Variants in DGKZ observed in about 807,000 individuals in gnomAD.
DGKZ encodes diacylglycerol kinase zeta, also known as DAG kinase zeta.
DGKZ carries 45 observed loss-of-function variants against 142.5 expected under a neutral mutation model. That is an observed-to-expected ratio of 0.32 (90% CI 0.25 to 0.40). The LOEUF is 0.40. Among genes scored for constraint, DGKZ ranks in the 10% least tolerant of loss-of-function variants. DGKZ has a pLI of 1.00. For missense variants in DGKZ, 755 were observed against 1,306.5 expected, an observed-to-expected ratio of 0.58 and a Z score of 6.51; for synonymous variants, 442 against 527.0, an observed-to-expected ratio of 0.84 and a Z score of 2.21.
intron 1 of DGKZ, chr11:46,365,912 G>C (rs1238357282): frequency 1.0e-6 from 1 of 985,308 alleles, no homozygotes; most frequent in Non-Finnish European, 1.2e-6. Context: ...GTAGATTCTG[G>C]TGCCTGGATG....
Position 46,378,443 on chromosome 11 carries a change from G to A in DGKZ, c.2375-14G>A, listed in dbSNP as rs1306246724. 1 of 1,590,806 alleles carries A rather than the reference G, an allele frequency of 6.3e-7. No homozygotes were observed. The highest frequency in any genetic ancestry group is 2.2e-5 in the East Asian group (1 of 44,550). On this transcript the variant is annotated splice_polypyrimidine_tract_variant and intron_variant, in intron 26 of 30. Coordinates refer to ENST00000527911, the Ensembl canonical transcript of DGKZ. ...GCCTCCGACTGCAGAGTAACAGGCAGGTATTCCGTGCAGGTGAAGAGCTGA... is the reference window on the plus strand; with the variant it reads ...GCCTCCGACTGCAGAGTAACAGGCAAGTATTCCGTGCAGGTGAAGAGCTGA...
intron 1 of DGKZ, chr11:46,366,770 G>A (rs371719770): frequency 7.1e-6 from 11 of 1,549,094 alleles, no homozygotes; most frequent in South Asian, 5.9e-5. Flanking sequence ...CGCGGATGCC[G>A]TATATGACCA....
At chr11:46,366,197 C>T (rs747837915) in intron 1 of DGKZ, 268 of 1,498,068 alleles carry the variant, frequency 1.8e-4, no homozygotes, top group Non-Finnish European at 2.2e-4. Flanking sequence ...CAGGACAGAC[C>T]GTGGCCTGAT....
At chr11:46,378,741 G>A in intron 27 of DGKZ, 1 of 838,848 alleles carries the variant, frequency 1.2e-6, no homozygotes. Context: ...GCTTAGAAAG[G>A]AGCAGGTCAG....
exon 20 of DGKZ, chr11:46,375,469 C>T (rs1178514573): frequency 1.8e-5 from 28 of 1,582,126 alleles, no homozygotes; most frequent in Middle Eastern, 1.8e-4. Context: ...GAGCGGCTGA[C>T]GCAGTGTCGC....
intron 5 of DGKZ, 161 bp from the exon 6 acceptor site, chr11:46,369,780 C>T: frequency 1.1e-6 from 1 of 908,214 alleles, no homozygotes; most frequent in Non-Finnish European, 1.7e-6. Context: ...TGAGTCTGAG[C>T]CTCCCCCAGG....
rs1221647974 is a variant in DGKZ at position 46,375,496 on chromosome 11, C to T, written c.1775C>T (p.Thr592Ile). ...CAGTGTCGCGAGGTGGTGCTCACCA[C>T]ATCCAAGGCCATCCCGGTGCAGGTG... is the stretch of plus-strand genomic sequence containing the variant. Residue 592 changes from threonine (T) to isoleucine (I), a missense_variant, in exon 20 of 31, where the codon ACA becomes ATA. Physicochemically the swap from Thr to Ile is moderately conservative, Grantham distance 89 (BLOSUM62 -1). Coordinates refer to ENST00000527911, the Ensembl canonical transcript of DGKZ. 1.5e-5 allele frequency: 24 copies of T among 1,590,002 alleles called. No individual in the cohort carries two copies. Among genetic ancestry groups the T allele is most frequent in the Non-Finnish European group, 2.0e-5 (24 of 1,174,296 alleles).
At chr11:46,368,194 G>T in intron 4 of DGKZ, 115 bp downstream of exon 4, 1 of 1,118,932 alleles carries the variant, frequency 8.9e-7, no homozygotes, top group African/African-American at 1.5e-5. Flanking sequence ...CCCAGCACTC[G>T]GGGGTGAAGA....
chr11:46,378,666 T>A (rs1282148490), intron 27 of DGKZ, 166 bp downstream of exon 27: 1 of 1,004,866 alleles, frequency 1.0e-6, no homozygotes, highest in Admixed American at 2.0e-5. Flanking sequence ...TCACTGTATC[T>A]CTGTCTAGGC....
chr11:46,348,491 A>T (rs1482308129), intron 1 of DGKZ, among the ~76,000 whole-genome samples: 1 of 152,166 alleles, frequency 6.6e-6, no homozygotes, highest in Non-Finnish European at 1.5e-5. Context: ...GGCAGGCAGC[A>T]TGTCTCCCTC....
chr11:46,373,410 C>T (rs1490768996), intron 14 of DGKZ, among the ~76,000 whole-genome samples: 1 of 151,220 alleles, frequency 6.6e-6, no homozygotes, highest in Admixed American at 6.6e-5. Flanking sequence ...CCTCAGCCTC[C>T]TGAGTAGCTG....
At chr11:46,344,717 G>T (rs986649625), upstream of DGKZ, among the ~76,000 whole-genome samples, 5 of 152,168 alleles carry the variant, frequency 3.3e-5, no homozygotes, top group Non-Finnish European at 5.9e-5. Flanking sequence ...GCCTCCCAAA[G>T]TGTTGGGATT....
intron 1 of DGKZ, among the ~76,000 whole-genome samples, chr11:46,355,296 G>C (rs962679979): frequency 6.6e-6 from 1 of 152,034 alleles, no homozygotes; most frequent in African/African-American, 2.4e-5. Flanking sequence ...TTTTAGTAGA[G>C]ACGGGGTTTC....
chr11:46,358,643 G>A (rs139565662), intron 1 of DGKZ, among the ~76,000 whole-genome samples: 1 of 152,068 alleles, frequency 6.6e-6, no homozygotes, highest in East Asian at 1.9e-4. Context: ...GACCAGCTTG[G>A]GCAACATAGT....
At chr11:46,351,799 A>G (rs1256574804) in intron 1 of DGKZ, among the ~76,000 whole-genome samples, 1 of 152,186 alleles carries the variant, frequency 6.6e-6, no homozygotes, top group African/African-American at 2.4e-5. Flanking sequence ...GCCAGAGTAT[A>G]CAGCTGGCCC....
intron 1 of DGKZ, among the ~76,000 whole-genome samples, chr11:46,355,568 C>T (rs181947590): frequency 2.6e-5 from 4 of 152,246 alleles, no homozygotes; most frequent in Admixed American, 2.6e-4. Flanking sequence ...AAAGGCTTAG[C>T]TTGAGGTCAT....
chr11:46,334,389 C>A (rs552266832), intron 1 of DGKZ, among the ~76,000 whole-genome samples: 4 of 152,226 alleles, frequency 2.6e-5, no homozygotes, highest in Non-Finnish European at 5.9e-5. Flanking sequence ...TTACAGCCAT[C>A]GGCCTGGTTG....
upstream of DGKZ, among the ~76,000 whole-genome samples, chr11:46,342,606 T>C (rs1163568571): frequency 6.7e-6 from 1 of 150,138 alleles, no homozygotes; most frequent in Non-Finnish European, 1.5e-5. Context: ...AGAACCCATC[T>C]TGAGGCATTC....
chr11:46,361,726 C>T, intron 1 of DGKZ: 1 of 963,768 alleles, frequency 1.0e-6, no homozygotes, highest in Non-Finnish European at 1.2e-6. Context: ...GGCCCCCAGC[C>T]CCTCCTTGCT....
Sources: allele counts gnomAD v4.1 joint callset (sites outside exome capture counted in the v4.1 genomes callset), GRCh38; gene constraint gnomAD v4.1.1; transcripts MANE v1.5; gene names NCBI Gene and HGNC (gene_info 2026-07-23, HGNC 2026-07-21).